The following RARS1 variants were observed in gnomAD, a reference collection of about 807,000 sequenced individuals.
The protein encoded by RARS1 is arginyl-tRNA synthetase 1.
In RARS1, 75 loss-of-function variants were observed where a neutral mutation model predicts 78.7. The observed-to-expected ratio is 0.95, with a 90% CI of 0.79 to 1.15. The LOEUF (loss-of-function observed/expected upper bound fraction) is 1.15, where lower values mean the gene tolerates loss of function less well. RARS1 is among the 50% of genes most tolerant of loss of function. The pLI, the probability that RARS1 is intolerant of heterozygous loss-of-function variation, is 0.00. For missense variants in RARS1, 787 were observed against 787.5 expected (o/e 1.00, Z 0.01); for synonymous variants, 273 against 268.2 (o/e 1.02, Z -0.18).
At chr5:168,486,656 C>CA (rs35439881) in intron 1 of RARS1, 113 bp downstream of exon 1, 694 of 1,113,196 alleles carry the variant, frequency 6.2e-4, no homozygotes, top group Non-Finnish European at 8.7e-4. Flanking sequence ...CTGGTCCTCT[C>CA]AGAGTGGAGC....
Position 168,510,617 on chromosome 5 carries a change from C to G in RARS1, c.1383C>G (p.Arg461=). 4 of 1,610,814 alleles carry G rather than the reference C, an allele frequency of 2.5e-6. No homozygotes were observed. Among genetic ancestry groups the G allele is most frequent in the Non-Finnish European group, 3.4e-6 (4 of 1,179,200 alleles). Residue 461 remains arginine (R), a synonymous_variant, in exon 12 of 15, where the codon CGC becomes CGG. Coordinates refer to ENST00000231572, the MANE Select transcript of RARS1 (RefSeq NM_002887.4). The part of the protein sequence containing the change: ...KFKTRSGETV[R]LMDLLGEGLK... ...AAACACGTTCGGGTGAAACAGTGCG[C>G]CTCATGGATCTTCTGGGAGAAGGAC... is the stretch of plus-strand genomic sequence containing the variant.
In RARS1 at chr5:168,518,214, G is replaced by A. The variant is rs370045101; in HGVS notation, c.1873+152G>A. ...TTCTCCCACTTGAGCCTCCCGAATGGCTGGACTTACACACGTGTGAGCCAC... is the reference window on the plus strand; with the variant it reads ...TTCTCCCACTTGAGCCTCCCGAATGACTGGACTTACACACGTGTGAGCCAC... On this transcript the variant is annotated intron_variant, in intron 14 of 14. Coordinates refer to ENST00000231572, the MANE Select transcript of RARS1 (RefSeq NM_002887.4). The A allele has an allele frequency of 4.1e-6, 4 of 981,608 alleles. No homozygotes were observed. In the South Asian group the frequency reaches 9.1e-5, roughly 22 times the overall value. 60.8% of individuals were successfully genotyped at this position (981,608 alleles called of 1,614,324 possible).
Position 168,518,032 on chromosome 5 carries a change from T to C in RARS1, c.1843T>C (p.Cys615Arg). The C allele has an allele frequency of 6.4e-7, 1 of 1,563,032 alleles. No homozygotes were observed. The highest frequency in any genetic ancestry group is 8.7e-7 in the Non-Finnish European group (1 of 1,153,810). ...ATAFTEFYDS[C>R]YCVEKDRQTG... Reference sequence around the variant, plus strand: ...TGCTTTCACAGAGTTCTATGATAGCTGCTACTGTGTGGAGAAAGATAGACA... The same window carrying C: ...TGCTTTCACAGAGTTCTATGATAGCCGCTACTGTGTGGAGAAAGATAGACA... The change falls in exon 14 of 15, where the codon TGC becomes CGC. Residue 615 changes from cysteine (C) to arginine (R), a missense_variant. Physicochemically the swap from Cys to Arg is radical, Grantham distance 180. Coordinates refer to ENST00000231572, the MANE Select transcript of RARS1 (RefSeq NM_002887.4).
chr5:168,489,135 A>G (rs576439668), intron 2 of RARS1, among the ~76,000 whole-genome samples: 1 of 151,992 alleles, frequency 6.6e-6, no homozygotes, highest in African/African-American at 2.4e-5. Flanking sequence ...TCATCCCACC[A>G]CAGCCTCCTG....
At chr5:168,507,222 G>GCAT (rs1758467013) in intron 11 of RARS1, among the ~76,000 whole-genome samples, 1 of 152,150 alleles carries the variant, frequency 6.6e-6, no homozygotes, top group African/African-American at 2.4e-5. Context: ...AAAGGTATAA[G>GCAT]TTATTGAGAT....
chr5:168,498,448 C>A (rs1461571047), intron 7 of RARS1, among the ~76,000 whole-genome samples: 1 of 152,030 alleles, frequency 6.6e-6, no homozygotes, highest in African/African-American at 2.4e-5. Context: ...TTCTTTGAAT[C>A]CTTGACTTAA....
At position 168,488,731 on chromosome 5, in the gene RARS1, C is replaced by T. The variant is rs749027104; in HGVS notation, c.175C>T (p.Arg59Ter). 5.6e-6 allele frequency: 9 copies of T among 1,602,592 alleles called. No homozygotes were observed. The highest frequency in any genetic ancestry group is 6.8e-6 in the Non-Finnish European group (8 of 1,176,460). The change falls in exon 2 of 15, where the codon CGA becomes TGA. Residue 59 changes from arginine (R) to a stop codon, truncating the protein, a stop_gained. Coordinates refer to ENST00000231572, the MANE Select transcript of RARS1 (RefSeq NM_002887.4). LOFTEE classifies it high-confidence loss of function. ...LKLKYRLNIL[R>*]KSLQAERNKP... ...ATTAAAGTATCGACTGAATATTCTT[C>T]GAAAGGTGAGTACTTTGGGTTCCAG...
At chr5:168,498,601 A>AT (rs1050097975) in intron 7 of RARS1, among the ~76,000 whole-genome samples, 3 of 152,002 alleles carry the variant, frequency 2.0e-5, no homozygotes, top group Non-Finnish European at 2.9e-5. Flanking sequence ...CTTTATTAGG[A>AT]TTTTTTTCTA....
intron 9 of RARS1, among the ~76,000 whole-genome samples, chr5:168,504,879 C>T (rs12516424): frequency 0.041 from 6,257 of 151,832 alleles, 435 homozygotes; most frequent in Admixed American, 0.18. Flanking sequence ...GACAGCTTCA[C>T]GAGAGGCTGA....
At chr5:168,490,702 A>G (rs77204454) in intron 2 of RARS1, among the ~76,000 whole-genome samples, 1 of 152,200 alleles carries the variant, frequency 6.6e-6, no homozygotes, top group East Asian at 1.9e-4. Flanking sequence ...AGCATCACAT[A>G]TGAAACTGGT....
intron 12 of RARS1, among the ~76,000 whole-genome samples, chr5:168,510,959 A>G (rs895550057): frequency 6.6e-6 from 1 of 152,190 alleles, no homozygotes; most frequent in African/African-American, 2.4e-5. Flanking sequence ...GTTCCCAAAG[A>G]TGGGAGAATA....
chr5:168,514,344 A>C (rs1167774019), intron 12 of RARS1, among the ~76,000 whole-genome samples: 2 of 152,174 alleles, frequency 1.3e-5, no homozygotes, highest in African/African-American at 4.8e-5. Context: ...CTCCAAGTAC[A>C]TATGTTAGAA....
At chr5:168,487,367 C>A (rs1757988363) in intron 1 of RARS1, among the ~76,000 whole-genome samples, 1 of 150,718 alleles carries the variant, frequency 6.6e-6, no homozygotes, top group Non-Finnish European at 1.5e-5. Flanking sequence ...CTCCGTCCCC[C>A]TACAAAAAAA....
chr5:168,517,214 C>G (rs1358726832), intron 13 of RARS1, among the ~76,000 whole-genome samples: 1 of 152,108 alleles, frequency 6.6e-6, no homozygotes, highest in Non-Finnish European at 1.5e-5. Flanking sequence ...GCGATCTCGG[C>G]TCACTGCAAC....
In RARS1 at chr5:168,492,788, C is replaced by T. The variant is rs753539306; in HGVS notation, c.310C>T (p.Pro104Ser). ...GGAAAATCCTCCTCTGCTAGTGACACCAAGTCAGCAGGCCAAGTTTGGGGA... is the reference window on the plus strand; with the variant it reads ...GGAAAATCCTCCTCTGCTAGTGACATCAAGTCAGCAGGCCAAGTTTGGGGA... Reference protein sequence around the residue: ...DLENPPLLVTPSQQAKFGDYQ... With the variant: ...DLENPPLLVTSSQQAKFGDYQ... The change falls in exon 3 of 15, where the codon CCA becomes TCA. Residue 104 changes from proline (P) to serine (S), a missense_variant. Physicochemically the swap from Pro to Ser is moderately conservative, Grantham distance 74. Transcript: ENST00000231572. 1 of 1,613,866 alleles carries T rather than the reference C, an allele frequency of 6.2e-7. No homozygotes were observed. The highest frequency in any genetic ancestry group is 8.5e-7 in the Non-Finnish European group (1 of 1,179,804).
At chr5:168,513,535 G>C (rs979099351) in intron 12 of RARS1, among the ~76,000 whole-genome samples, 1 of 152,086 alleles carries the variant, frequency 6.6e-6, no homozygotes, top group Admixed American at 6.6e-5. Flanking sequence ...GGCCAGGCGG[G>C]TCTCAAATCC....
chr5:168,501,626 G>A (rs1478651406), intron 8 of RARS1, among the ~76,000 whole-genome samples: 1 of 152,186 alleles, frequency 6.6e-6, no homozygotes, highest in African/African-American at 2.4e-5. Flanking sequence ...GGGAGGCTGA[G>A]GCAGGAGAAT....
chr5:168,498,704 C>T (rs1415428529), intron 7 of RARS1, among the ~76,000 whole-genome samples: 1 of 151,998 alleles, frequency 6.6e-6, no homozygotes, highest in East Asian at 1.9e-4. Flanking sequence ...CAGTGGCTCA[C>T]ACTTGTAATC....
intron 7 of RARS1, among the ~76,000 whole-genome samples, chr5:168,498,449 C>T (rs1758245986): frequency 6.6e-6 from 1 of 151,954 alleles, no homozygotes; most frequent in Admixed American, 6.6e-5. Context: ...TCTTTGAATC[C>T]TTGACTTAAT....
Sources: gnomAD v4.1 joint callset for allele counts (sites outside exome capture counted in the v4.1 genomes callset) on GRCh38, gnomAD v4.1.1 for gene constraint, MANE v1.5 for transcripts, NCBI Gene and HGNC (gene_info 2026-07-23, HGNC 2026-07-21) for gene names.